Variants in WDPCP observed in about 807,000 individuals in gnomAD.
WDPCP encodes the protein WD repeat containing planar cell polarity effector.
A neutral mutation model predicts 93.1 loss-of-function variants in WDPCP; 71 were observed. The observed-to-expected ratio is 0.76, with a 90% CI of 0.63 to 0.93. The LOEUF (loss-of-function observed/expected upper bound fraction) is 0.93. Ranked by LOEUF, WDPCP falls within the 40% of genes least tolerant of loss-of-function variation. The pLI, the probability that WDPCP is intolerant of heterozygous loss-of-function variation, is 0.00. For missense variants in WDPCP, 844 were observed against 887.4 expected (o/e 0.95, Z 0.62); for synonymous variants, 315 against 315.0 (o/e 1.00, Z 0.00).
chr2:63,709,089 C>T (rs143049416), intron 2 of WDPCP, among the ~76,000 whole-genome samples: 1,796 of 84,182 alleles, frequency 0.021, 454 homozygotes, highest in Non-Finnish European at 0.034. Context: ...AAAAATGACC[C>T]GGGCTTGGTG....
At chr2:63,444,195 C>A (rs1173650665) in intron 6 of WDPCP, among the ~76,000 whole-genome samples, 2 of 152,092 alleles carry the variant, frequency 1.3e-5, no homozygotes, top group African/African-American at 4.8e-5. Context: ...TCTTATTGAA[C>A]CTGAGTTTGG....
intron 13 of WDPCP, among the ~76,000 whole-genome samples, chr2:63,268,386 T>C (rs1267674506): frequency 6.6e-6 from 1 of 152,196 alleles, no homozygotes; most frequent in Non-Finnish European, 1.5e-5. Flanking sequence ...TAGGAATAAG[T>C]TTAGTGATCA....
At chr2:63,203,453 A>G (rs7585342) in intron 14 of WDPCP, among the ~76,000 whole-genome samples, 54,783 of 151,254 alleles carry the variant, frequency 0.36, 12,473 homozygotes, top group Non-Finnish European at 0.5. Flanking sequence ...ACCATCTCCA[A>G]CTCCCCACTA....
chr2:63,809,156 G>T (rs541017367), intron 2 of WDPCP, among the ~76,000 whole-genome samples: 305 of 151,156 alleles, frequency 2.0e-3, no homozygotes, highest in African/African-American at 6.9e-3. Context: ...CAGCCACCCC[G>T]TCTGGGAAGT....
intron 1 of WDPCP, among the ~76,000 whole-genome samples, chr2:63,528,632 T>C (rs973310294): frequency 2.6e-5 from 4 of 152,230 alleles, no homozygotes; most frequent in Non-Finnish European, 4.4e-5. Context: ...GTAGTATAGT[T>C]TGAAGTCAGG....
intron 12 of WDPCP, among the ~76,000 whole-genome samples, chr2:63,321,210 G>T (rs1033486645): frequency 1.3e-5 from 2 of 152,018 alleles, no homozygotes; most frequent in East Asian, 3.9e-4. Flanking sequence ...CAATCAGCAA[G>T]ATAAACAAAT....
At chr2:63,454,156 C>A (rs563375566) in intron 6 of WDPCP, among the ~76,000 whole-genome samples, 1 of 150,830 alleles carries the variant, frequency 6.6e-6, no homozygotes, top group East Asian at 2.0e-4. Context: ...ACATATACAC[C>A]ATGGAATACT....
intron 1 of WDPCP, among the ~76,000 whole-genome samples, chr2:63,542,926 A>G (rs1352344961): frequency 6.6e-6 from 1 of 152,124 alleles, no homozygotes; most frequent in Non-Finnish European, 1.5e-5. Flanking sequence ...AAACTTGAAC[A>G]TATTCTGAAA....
intron 16 of WDPCP, 93 bp from the exon 17 acceptor site, chr2:63,153,038 A>G (rs1255199684): frequency 3.0e-6 from 3 of 1,008,064 alleles, no homozygotes; most frequent in African/African-American, 3.3e-5. Flanking sequence ...GAAATGCTTA[A>G]AATAATAACA....
chr2:63,433,696 C>A, intron 9 of WDPCP, 49 bp downstream of exon 9: 6 of 1,452,108 alleles, frequency 4.1e-6, no homozygotes, highest in Admixed American at 2.1e-5. Flanking sequence ...TCTAATAATT[C>A]TATTTTATTT....
At chr2:63,693,662 T>C (rs889892604) in intron 2 of WDPCP, among the ~76,000 whole-genome samples, 1 of 151,858 alleles carries the variant, frequency 6.6e-6, no homozygotes, top group African/African-American at 2.4e-5. Context: ...GAAAATAAGG[T>C]TGGACAAGTA....
rs570255619 is a variant in WDPCP, at chr2:63,243,865, G to C, written c.1915+15442C>G. On this transcript the variant is annotated intron_variant, in intron 14 of 17. Coordinates refer to ENST00000272321, the MANE Select transcript of WDPCP (RefSeq NM_015910.7). Reference sequence around the variant, plus strand: ...CTTCAACTCGACACTTGGCCAATTAGACCTAATAAACATCTACAGAATGCT... The same window carrying C: ...CTTCAACTCGACACTTGGCCAATTACACCTAATAAACATCTACAGAATGCT... Among the ~76,000 whole-genome samples the C allele has an allele frequency of 3.3e-5, 5 of 152,156 alleles. No homozygotes were observed. In the South Asian group the frequency reaches 8.3e-4, roughly 25 times the overall value.
chr2:63,705,371 G>T (rs1403527207), intron 2 of WDPCP, among the ~76,000 whole-genome samples: 1 of 152,094 alleles, frequency 6.6e-6, no homozygotes, highest in Non-Finnish European at 1.5e-5. Flanking sequence ...TGCTTCTCTA[G>T]TTCTTCTAAT....
intron 12 of WDPCP, 59 bp downstream of exon 12, chr2:63,378,327 G>A (rs1470202752): frequency 1.2e-6 from 2 of 1,607,634 alleles, no homozygotes; most frequent in South Asian, 1.1e-5. Context: ...TAATTAAAGA[G>A]GATGTCTCCT....
intron 14 of WDPCP, among the ~76,000 whole-genome samples, chr2:63,219,466 C>T (rs1178061899): frequency 6.6e-6 from 1 of 152,124 alleles, no homozygotes; most frequent in Non-Finnish European, 1.5e-5. Flanking sequence ...TGTTTGAAAA[C>T]CCCAGATTAA....
At chr2:63,382,737 C>T (rs1018099621) in intron 10 of WDPCP, among the ~76,000 whole-genome samples, 1 of 152,028 alleles carries the variant, frequency 6.6e-6, no homozygotes, top group Non-Finnish European at 1.5e-5. Flanking sequence ...GAGAAAGATG[C>T]TAAAATTCTT....
At chr2:63,141,943 GA>G (rs1671088164) in intron 17 of WDPCP, among the ~76,000 whole-genome samples, 1 of 152,092 alleles carries the variant, frequency 6.6e-6, no homozygotes, top group Non-Finnish European at 1.5e-5. Context: ...TAGTAGACTT[GA>G]ATGATCTTTT....
chr2:63,590,717 C>T (rs950640682), upstream of WDPCP: 1 of 152,122 alleles, frequency 6.6e-6, no homozygotes, highest in African/African-American at 2.4e-5. Flanking sequence ...CTAGCAAGGC[C>T]CCACCGTTGG....
intron 2 of WDPCP, among the ~76,000 whole-genome samples, chr2:63,705,610 G>C (rs1260334371): frequency 6.6e-6 from 1 of 152,156 alleles, no homozygotes; most frequent in Non-Finnish European, 1.5e-5. Context: ...GAGCAGTTTT[G>C]AGTGAGTTTC....
Sources: gnomAD v4.1 joint callset for allele counts (sites outside exome capture counted in the v4.1 genomes callset) on GRCh38, gnomAD v4.1.1 for gene constraint, MANE v1.5 for transcripts, NCBI Gene and HGNC (gene_info 2026-07-23, HGNC 2026-07-21) for gene names.